PXDNL: variants seen among roughly 807,000 people sequenced by gnomAD.
The protein encoded by PXDNL is peroxidasin like.
In PXDNL, 145 loss-of-function variants were observed where a neutral mutation model predicts 150.8. The ratio of observed to expected loss-of-function variants is 0.96; its 90% CI spans 0.84 to 1.10. PXDNL has a LOEUF of 1.10. Among genes scored for constraint, PXDNL ranks in the 50% least tolerant of loss-of-function variants. PXDNL has a pLI of 0.00. For missense variants in PXDNL, 2,087 were observed against 1,873.9 expected, an observed-to-expected ratio of 1.11 and a Z score of -2.10; for synonymous variants, 757 against 725.7, an observed-to-expected ratio of 1.04 and a Z score of -0.69.
intron 17 of PXDNL, among the ~76,000 whole-genome samples, chr8:51,390,037 A>C (rs1285655358): frequency 6.6e-6 from 1 of 152,104 alleles, no homozygotes; most frequent in Non-Finnish European, 1.5e-5. Flanking sequence ...TAATGACTTC[A>C]CTGGCTATGG....
chr8:51,515,663 C>T (rs916347354), intron 4 of PXDNL, among the ~76,000 whole-genome samples: 1 of 152,218 alleles, frequency 6.6e-6, no homozygotes, highest in African/African-American at 2.4e-5. Context: ...AGAATAAGCT[C>T]TTGGCTTGAT....
chr8:51,640,730 C>A (rs1351428545), intron 2 of PXDNL, among the ~76,000 whole-genome samples: 2 of 152,164 alleles, frequency 1.3e-5, no homozygotes, highest in African/African-American at 4.8e-5. Flanking sequence ...GAAGAACATT[C>A]CATGCTCATG....
At chr8:51,786,028 G>A (rs1045575883) in intron 1 of PXDNL, among the ~76,000 whole-genome samples, 5 of 152,096 alleles carry the variant, frequency 3.3e-5, no homozygotes, top group Non-Finnish European at 7.4e-5. Context: ...CAAGATGGCA[G>A]AATAGAAGAC....
At chr8:51,626,551 T>C (rs536424901) in intron 2 of PXDNL, among the ~76,000 whole-genome samples, 148 of 152,292 alleles carry the variant, frequency 9.7e-4, no homozygotes, top group African/African-American at 3.4e-3. Context: ...ATATGTGCCC[T>C]GTTTGGAGCC....
chr8:51,796,469 C>T (rs186697373), intron 1 of PXDNL, among the ~76,000 whole-genome samples: 1 of 151,616 alleles, frequency 6.6e-6, no homozygotes, highest in Non-Finnish European at 1.5e-5. Context: ...CAAATAGACA[C>T]AATAAAAAAT....
chr8:51,462,437 A>C (rs570238467), intron 8 of PXDNL, among the ~76,000 whole-genome samples: 1 of 152,326 alleles, frequency 6.6e-6, no homozygotes, highest in East Asian at 1.9e-4. Context: ...TAATGTAGAC[A>C]TTTTAAGAAA....
rs948461500 is a variant in PXDNL at position 51,713,496 on chromosome 8, T to A, written c.165-58736A>T. ...CCTTCTGTCACCCACCCCAGTTGAATAGGCAAGGCTGGCCAACGTTGTCCT... is the reference window on the plus strand; with the variant it reads ...CCTTCTGTCACCCACCCCAGTTGAAAAGGCAAGGCTGGCCAACGTTGTCCT... On this transcript the variant is annotated intron_variant, in intron 1 of 22. Coordinates refer to ENST00000356297, the MANE Select transcript of PXDNL (RefSeq NM_144651.5). Among the ~76,000 whole-genome samples, 3 of 152,202 alleles carry A rather than the reference T, an allele frequency of 2.0e-5. No individual in the cohort carries two copies. In the South Asian group the frequency reaches 6.2e-4, roughly 32 times the overall value.
rs79859198 is a variant in PXDNL at position 51,560,260 on chromosome 8, T to C, written c.309-3349A>G. ...TACTCAAAGTGATCTAAAAATTTAATACAATCCCTATCAGCATTTCAATGG... is the reference window on the plus strand; with the variant it reads ...TACTCAAAGTGATCTAAAAATTTAACACAATCCCTATCAGCATTTCAATGG... On this transcript the variant is annotated intron_variant, in intron 3 of 22. Coordinates refer to ENST00000356297, the MANE Select transcript of PXDNL (RefSeq NM_144651.5). Among the ~76,000 whole-genome samples the C allele has an allele frequency of 8.4e-3, 1,282 of 152,082 alleles. 4 individuals are homozygous for C. The highest frequency in any genetic ancestry group is 0.013 in the Non-Finnish European group (869 of 67,940).
At chr8:51,767,828 T>G (rs908510507) in intron 1 of PXDNL, among the ~76,000 whole-genome samples, 2 of 152,256 alleles carry the variant, frequency 1.3e-5, no homozygotes, top group African/African-American at 4.8e-5. Flanking sequence ...TTTGATATAT[T>G]AAACAATTGC....
rs144496374 is a variant in PXDNL at position 51,524,124 on chromosome 8, C to A, written c.381-24354G>T. On this transcript the variant is annotated intron_variant, in intron 4 of 22. Transcript: ENST00000356297. ...TGCCACCTCGGTTCCTCATGGCACC[C>A]AAGGGATTATGATGGAGTCATACCT... is the stretch of plus-strand genomic sequence containing the variant. Among the ~76,000 whole-genome samples the A allele has an allele frequency of 2.5e-5, 3 of 121,394 alleles. No individual in the cohort carries two copies. In the East Asian group the frequency reaches 7.5e-4, roughly 30 times the overall value. 79.6% of individuals were successfully genotyped at this position (121,394 alleles called of 152,430 possible). A position where few individuals can be genotyped will look rare whatever the true frequency, so the allele number is the denominator to read the frequency against.
chr8:51,375,825 G>C (rs572307679), intron 17 of PXDNL, among the ~76,000 whole-genome samples: 1 of 152,292 alleles, frequency 6.6e-6, no homozygotes, highest in African/African-American at 2.4e-5. Flanking sequence ...TTTCAGCTTT[G>C]TGGGACAACT....
chr8:51,423,629 C>G lies in PXDNL; in HGVS notation c.1741G>C (p.Val581Leu), dbSNP rs770536550. ...GFPDQGRYEC[V>L]ARNSFGLAVT... ...GCAAGGCCAAAAGAATTCCGAGCCA[C>G]ACATTCATATCTTCCCTGGTCAGGG... Residue 581 changes from valine (V) to leucine (L), a missense_variant, in exon 14 of 23, where the codon GTG (valine) becomes CTG (leucine). Coordinates refer to ENST00000356297, the MANE Select transcript of PXDNL (RefSeq NM_144651.5). 6.8e-6 allele frequency: 11 copies of G among 1,613,888 alleles called. No homozygotes were observed. The highest frequency in any genetic ancestry group is 1.3e-5 in the African/African-American group (1 of 75,028).
chr8:51,553,740 TTATATATATATATATA>T (rs747698313), intron 4 of PXDNL, among the ~76,000 whole-genome samples: 13 of 112,948 alleles, frequency 1.2e-4, no homozygotes, highest in African/African-American at 3.7e-4. Context: ...GTGAGGGATT[TTATATATATATATATA>T]TATATATATA....
At chr8:51,564,803 T>C (rs1251296850) in intron 3 of PXDNL, among the ~76,000 whole-genome samples, 1 of 151,998 alleles carries the variant, frequency 6.6e-6, no homozygotes, top group Admixed American at 6.6e-5. Context: ...AAATTTTGTA[T>C]ATGGGAAAGC....
At chr8:51,487,929 G>C (rs1220950551) in intron 5 of PXDNL, among the ~76,000 whole-genome samples, 1 of 152,190 alleles carries the variant, frequency 6.6e-6, no homozygotes, top group Admixed American at 6.5e-5. Context: ...TGCTGCTCCT[G>C]CTGAACGCAC....
intron 1 of PXDNL, among the ~76,000 whole-genome samples, chr8:51,694,772 A>C (rs1240584876): frequency 6.6e-6 from 1 of 152,250 alleles, no homozygotes; most frequent in African/African-American, 2.4e-5. Context: ...TTAAAGTTAA[A>C]CAAACAGACA....
In PXDNL at chr8:51,449,138, C is replaced by T; in HGVS notation, c.1250-20G>A. 2 of 1,336,324 alleles carry T rather than the reference C, an allele frequency of 1.5e-6. No homozygotes were observed. The highest frequency in any genetic ancestry group is 1.4e-5 in the South Asian group (1 of 73,796). The allele number at this position is 1,336,324 out of a possible 1,614,324, so 82.8% of individuals were successfully genotyped here. ...GAGGAGCTAAAGAGAATGAAACATA[C>T]ATCAAAATTGAAAATTATTTTACAA... On this transcript the variant is annotated intron_variant, in intron 10 of 22. Transcript: ENST00000356297.
chr8:51,766,297 T>C (rs1274815319), intron 1 of PXDNL, among the ~76,000 whole-genome samples: 25 of 152,202 alleles, frequency 1.6e-4, no homozygotes, highest in Admixed American at 1.6e-3. Context: ...TCATGCAAAT[T>C]TCACCTCTGT....
At chr8:51,394,317 C>T (rs1241900536) in intron 17 of PXDNL, among the ~76,000 whole-genome samples, 1 of 152,124 alleles carries the variant, frequency 6.6e-6, no homozygotes, top group African/African-American at 2.4e-5. Context: ...TAGAGTAAAG[C>T]TATCCCATCC....
Sources: allele counts gnomAD v4.1 joint callset (sites outside exome capture counted in the v4.1 genomes callset), GRCh38; gene constraint gnomAD v4.1.1; transcripts MANE v1.5; gene names NCBI Gene and HGNC (gene_info 2026-07-23, HGNC 2026-07-21).